Variants in PLEKHO2 observed in about 807,000 individuals in gnomAD.
The protein encoded by PLEKHO2 is pleckstrin homology domain-containing family O member 2.
In PLEKHO2, 20 loss-of-function variants were observed where a neutral mutation model predicts 32.7. The ratio of observed to expected loss-of-function variants is 0.61; its 90% CI spans 0.43 to 0.89. The LOEUF (loss-of-function observed/expected upper bound fraction) is 0.89. PLEKHO2 is among the 40% of genes least tolerant of loss of function. The probability of loss-of-function intolerance (pLI) is 0.00; values close to 1 mark genes in which losing one functional copy is unlikely to be tolerated. For synonymous variants in PLEKHO2, 247 were observed against 246.3 expected (o/e 1.00, Z -0.03); for missense variants, 568 against 621.2 (o/e 0.91, Z 0.91).
chr15:64,846,151 G>A (rs965703608), intron 1 of PLEKHO2, among the ~76,000 whole-genome samples: 4 of 152,152 alleles, frequency 2.6e-5, no homozygotes, highest in African/African-American at 9.7e-5. Context: ...TAGTGTTAGG[G>A]CCCTGGGGGT....
intron 2 of PLEKHO2, among the ~76,000 whole-genome samples, chr15:64,853,039 T>A (rs919005591): frequency 2.7e-5 from 4 of 150,132 alleles, no homozygotes; most frequent in South Asian, 4.3e-4. Context: ...CTCGGGGGGC[T>A]GAGGCCGGAG....
At chr15:64,845,357 G>T (rs1424821978) in intron 1 of PLEKHO2, among the ~76,000 whole-genome samples, 2 of 152,034 alleles carry the variant, frequency 1.3e-5, no homozygotes, top group African/African-American at 4.8e-5. Context: ...AAGAACAGCG[G>T]TCAGCTGCTC....
rs889882344 is a variant in PLEKHO2, at chr15:64,865,066, C to G, written c.651C>G (p.Ser217Arg). ...TKPFLAPETT[S>R]PGDRVETPVG... ...CTTTCCTAGCACCTGAGACCACCAG[C>G]CCTGGTGACAGGGTGGAGACCCCTG... Residue 217 changes from serine to arginine, a missense_variant, in exon 6 of 6, where the codon AGC becomes AGG. By Grantham distance (110) the Ser-to-Arg change is moderately radical (BLOSUM62 -1). Transcript: ENST00000323544. 2.6e-5 allele frequency: 42 copies of G among 1,614,042 alleles called. No homozygotes were observed. The highest frequency in any genetic ancestry group is 3.5e-5 in the Non-Finnish European group (41 of 1,180,022).
intron 1 of PLEKHO2, among the ~76,000 whole-genome samples, chr15:64,848,322 C>T (rs1280935040): frequency 6.6e-6 from 1 of 152,180 alleles, no homozygotes; most frequent in African/African-American, 2.4e-5. Context: ...AATGAGGCTA[C>T]CATCTTGGAG....
Position 64,841,942 on chromosome 15 carries a change from G to T in PLEKHO2, c.-75G>T. The T allele has an allele frequency of 1.6e-6, 2 of 1,232,760 alleles. No homozygotes were observed. Among genetic ancestry groups the T allele is most frequent in the Non-Finnish European group, 1.0e-6 (1 of 986,098 alleles). 76.4% of individuals were successfully genotyped at this position (1,232,760 alleles called of 1,614,324 possible). A position where few individuals can be genotyped will look rare whatever the true frequency, so the allele number is the denominator to read the frequency against. The stretch of plus-strand genomic sequence containing the variant: ...AACGCGGAGAGTCGCCGCCTGGCCG[G>T]GCGTAGACGCGGTGGCAGAGCCCGC... On this transcript the variant is annotated 5_prime_UTR_variant, in exon 1 of 6. Transcript: ENST00000323544.
At chr15:64,843,451 G>A (rs1373259809) in intron 1 of PLEKHO2, among the ~76,000 whole-genome samples, 1 of 152,180 alleles carries the variant, frequency 6.6e-6, no homozygotes, top group African/African-American at 2.4e-5. Context: ...CCCAGAGGAT[G>A]TGGGTCAGGA....
intron 5 of PLEKHO2, among the ~76,000 whole-genome samples, chr15:64,864,222 T>C (rs1172281262): frequency 1.3e-5 from 2 of 151,988 alleles, no homozygotes; most frequent in African/African-American, 4.8e-5. Flanking sequence ...CCCTGGAGCC[T>C]GGTGGGGGTG....
intron 1 of PLEKHO2, among the ~76,000 whole-genome samples, chr15:64,844,919 C>T (rs750787860): frequency 6.6e-6 from 1 of 152,208 alleles, no homozygotes; most frequent in Non-Finnish European, 1.5e-5. Context: ...CCGCTCCCCA[C>T]CAGACAGGGG....
chr15:64,842,937 T>A (rs920573166), intron 1 of PLEKHO2, among the ~76,000 whole-genome samples: 5 of 152,164 alleles, frequency 3.3e-5, no homozygotes, highest in Non-Finnish European at 5.9e-5. Flanking sequence ...TAGAGGAAGG[T>A]GAATTTGTTT....
chr15:64,864,756 A>G, intron 5 of PLEKHO2, 143 bp from the exon 6 acceptor site: 1 of 757,224 alleles, frequency 1.3e-6, no homozygotes, highest in Non-Finnish European at 2.1e-6. Flanking sequence ...TTAAGTAGCC[A>G]CAGAAGCCAG....
At chr15:64,855,486 C>G (rs1460257788) in intron 3 of PLEKHO2, among the ~76,000 whole-genome samples, 2 of 152,176 alleles carry the variant, frequency 1.3e-5, no homozygotes, top group African/African-American at 2.4e-5. Context: ...CATCCCAGGC[C>G]TTTGTGGGTG....
chr15:64,863,655 G>C (rs114843097), intron 5 of PLEKHO2, among the ~76,000 whole-genome samples: 1 of 151,960 alleles, frequency 6.6e-6, no homozygotes, highest in Non-Finnish European at 1.5e-5. Context: ...GATGGGCATC[G>C]TGGCACATGC....
chr15:64,863,302 A>G (rs566888548), intron 5 of PLEKHO2, among the ~76,000 whole-genome samples: 2 of 152,052 alleles, frequency 1.3e-5, no homozygotes, highest in South Asian at 4.2e-4. Flanking sequence ...GGTTTGCCGG[A>G]GGGAGGGACC....
intron 3 of PLEKHO2, among the ~76,000 whole-genome samples, chr15:64,858,424 C>T (rs111541388): frequency 9.2e-5 from 14 of 152,252 alleles, no homozygotes; most frequent in South Asian, 8.3e-4. Flanking sequence ...AGCTGGCGAC[C>T]GCCAACAAAG....
chr15:64,849,204 C>A (rs898151454), intron 2 of PLEKHO2, among the ~76,000 whole-genome samples: 1 of 152,086 alleles, frequency 6.6e-6, no homozygotes, highest in Non-Finnish European at 1.5e-5. Flanking sequence ...TGCAGTGGTG[C>A]GATCTCAGCT....
In PLEKHO2 at chr15:64,864,996, C is replaced by A. The variant is rs1243709572; in HGVS notation, c.581C>A (p.Ala194Asp). ...VFAPSNHVSE[A>D]QPRETPRPLM... Reference sequence around the variant, plus strand: ...GCCCCCAGCAATCATGTCAGTGAAGCCCAACCTCGGGAGACACCCCGGCCC... The same window carrying A: ...GCCCCCAGCAATCATGTCAGTGAAGACCAACCTCGGGAGACACCCCGGCCC... The change falls in exon 6 of 6, where the codon GCC becomes GAC. Residue 194 changes from alanine to aspartate, a missense_variant. Transcript: ENST00000323544. 6.2e-7 allele frequency: 1 copy of A among 1,614,134 alleles called. No homozygotes were observed. Among genetic ancestry groups the A allele is most frequent in the Non-Finnish European group, 8.5e-7 (1 of 1,180,016 alleles).
chr15:64,855,805 A>G (rs893936131), intron 3 of PLEKHO2, among the ~76,000 whole-genome samples: 1 of 152,108 alleles, frequency 6.6e-6, no homozygotes, highest in African/African-American at 2.4e-5. Flanking sequence ...TGTCCTCTGC[A>G]TGTCATGTGG....
At chr15:64,844,306 A>T (rs1413691633) in intron 1 of PLEKHO2, among the ~76,000 whole-genome samples, 1 of 152,142 alleles carries the variant, frequency 6.6e-6, no homozygotes, top group Non-Finnish European at 1.5e-5. Flanking sequence ...AGGCTTGGGG[A>T]GGAGATGCTG....
rs747496616 is a variant in PLEKHO2 at position 64,848,728 on chromosome 15, G to T, written c.148G>T (p.Val50Phe). ...YLLLCQAQLL[V>F]YENEDDQKCV... is the part of the protein sequence containing the mutation. ...GCTCCTCTGCCAGGCCCAGCTGCTG[G>T]TCTATGAGAATGAGGTGAGGACCTG... The change falls in exon 2 of 6, where the codon GTC becomes TTC. Residue 50 changes from valine to phenylalanine, a missense_variant. Transcript: ENST00000323544. The T allele has an allele frequency of 6.2e-7, 1 of 1,614,148 alleles. No individual in the cohort carries two copies. The highest frequency in any genetic ancestry group is 1.3e-5 in the African/African-American group (1 of 75,034).
Sources: gnomAD v4.1 joint callset for allele counts (sites outside exome capture counted in the v4.1 genomes callset) on GRCh38, gnomAD v4.1.1 for gene constraint, MANE v1.5 for transcripts, NCBI Gene and HGNC (gene_info 2026-07-23, HGNC 2026-07-21) for gene names.